The following PCSK9 variants were observed in gnomAD, a reference collection of about 807,000 sequenced individuals.
PCSK9 encodes convertase subtilisin/kexin type 9 preproprotein.
PCSK9 carries 57 observed loss-of-function variants against 62.1 expected under a neutral mutation model. The ratio of observed to expected loss-of-function variants is 0.92; its 90% CI spans 0.74 to 1.14. PCSK9 has a LOEUF of 1.14. Ranked by LOEUF, PCSK9 falls within the 50% of genes most tolerant of loss-of-function variation. The pLI is 0.00. For missense variants in PCSK9, 870 were observed against 959.8 expected, an observed-to-expected ratio of 0.91 and a Z score of 1.24; for synonymous variants, 387 against 409.4, an observed-to-expected ratio of 0.95 and a Z score of 0.66.
rs766344278 is a variant in PCSK9, at chr1:55,039,891, G to T, written c.54G>T (p.Leu18=). Reference sequence around the variant, plus strand: ...GGTGGCCGCTGCCACTGCTGCTGCTGCTGCTGCTGCTCCTGGGTCCCGCGG... The same window carrying T: ...GGTGGCCGCTGCCACTGCTGCTGCTTCTGCTGCTGCTCCTGGGTCCCGCGG... ...RSWWPLPLLL[L]LLLLLGPAGA... Residue 18 remains leucine (L), a synonymous_variant, in exon 1 of 12, where the codon CTG becomes CTT. Coordinates refer to ENST00000302118, the MANE Select transcript of PCSK9 (RefSeq NM_174936.4). The T allele has an allele frequency of 2.6e-6, 4 of 1,564,496 alleles. No homozygotes were observed. The highest frequency in any genetic ancestry group is 3.5e-6 in the Non-Finnish European group (4 of 1,155,316).
rs917249802 is a variant in PCSK9 at position 55,039,726 on chromosome 1, A to G, written c.-112A>G. The G allele has an allele frequency of 4.5e-5, 59 of 1,297,820 alleles. No individual in the cohort carries two copies. In the Admixed American group the frequency reaches 8.8e-4, roughly 19 times the overall value. 80.4% of individuals were successfully genotyped at this position (1,297,820 alleles called of 1,614,324 possible). Reference sequence around the variant, plus strand: ...GCCCCTTCACGCGCCCTGCTCCTGAACTTCAGCTCCTGCACAGTCCTCCCC... The same window carrying G: ...GCCCCTTCACGCGCCCTGCTCCTGAGCTTCAGCTCCTGCACAGTCCTCCCC... On this transcript the variant is annotated 5_prime_UTR_variant, in exon 1 of 12. Coordinates refer to ENST00000302118, the MANE Select transcript of PCSK9 (RefSeq NM_174936.4).
At position 55,058,176 on chromosome 1, in the gene PCSK9, G is replaced by T; in HGVS notation, c.1321G>T (p.Val441Leu). 6.2e-7 allele frequency: 1 copy of T among 1,613,424 alleles called. No individual in the cohort carries two copies. Among genetic ancestry groups the T allele is most frequent in the Non-Finnish European group, 8.5e-7 (1 of 1,180,004 alleles). ...CCAGCGGGTACTGACCCCCAACCTGGTGGCCGCCCTGCCCCCCAGCACCCA... is the reference window on the plus strand; with the variant it reads ...CCAGCGGGTACTGACCCCCAACCTGTTGGCCGCCCTGCCCCCCAGCACCCA... Reference protein sequence around the residue: ...EDQRVLTPNLVAALPPSTHGA... With the variant: ...EDQRVLTPNLLAALPPSTHGA... The change falls in exon 8 of 12, where the codon GTG becomes TTG. Residue 441 changes from valine to leucine, a missense_variant. Val to Leu is a conservative substitution (Grantham distance 32). Coordinates refer to ENST00000302118, the MANE Select transcript of PCSK9 (RefSeq NM_174936.4).
intron 10 of PCSK9, among the ~76,000 whole-genome samples, chr1:55,060,396 G>T (rs551558579): frequency 1.3e-4 from 20 of 152,280 alleles, no homozygotes; most frequent in African/African-American, 4.8e-4. Context: ...GTTGATTCTC[G>T]TCTGAGCACG....
chr1:55,048,579 G>C (rs893007834), intron 3 of PCSK9, among the ~76,000 whole-genome samples: 5 of 152,196 alleles, frequency 3.3e-5, no homozygotes, highest in Non-Finnish European at 7.3e-5. Flanking sequence ...CAAGGGCTTG[G>C]CTGGAGGAAG....
chr1:55,045,779 A>G (rs1250640250), intron 2 of PCSK9, among the ~76,000 whole-genome samples: 1 of 151,540 alleles, frequency 6.6e-6, no homozygotes, highest in African/African-American at 2.4e-5. Flanking sequence ...CCCGGGTTCA[A>G]GCTCACTGCA....
chr1:55,051,144 C>T (rs1369846800), intron 3 of PCSK9: 1 of 456,286 alleles, frequency 2.2e-6, no homozygotes, highest in Non-Finnish European at 4.4e-6. Context: ...CGCCCTGAGC[C>T]TCCCACACTT....
chr1:55,056,255 C>T, intron 6 of PCSK9, 66 bp downstream of exon 6: 1 of 15,006 alleles, frequency 6.7e-5, no homozygotes. Flanking sequence ...GGAGGGAGGG[C>T]GGGCGGGCAG....
At chr1:55,057,035 G>C (rs1644720464) in intron 6 of PCSK9, among the ~76,000 whole-genome samples, 1 of 148,888 alleles carries the variant, frequency 6.7e-6, no homozygotes, top group Non-Finnish European at 1.5e-5. Context: ...TCCCCCCGTG[G>C]CACTTAGAAC....
At position 55,043,868 on chromosome 1, in the gene PCSK9, A is replaced by G. The variant is rs1307552863; in HGVS notation, c.233A>G (p.Tyr78Cys). Residue 78 changes from tyrosine to cysteine, a missense_variant, in exon 2 of 12, where the codon TAC becomes TGC. Coordinates refer to ENST00000302118, the MANE Select transcript of PCSK9 (RefSeq NM_174936.4). Reference protein sequence around the residue: ...AKDPWRLPGTYVVVLKEETHL... With the variant: ...AKDPWRLPGTCVVVLKEETHL... ...GATCCGTGGAGGTTGCCTGGCACCT[A>G]CGTGGTGGTGCTGAAGGAGGAGACC... 6.2e-7 allele frequency: 1 copy of G among 1,614,200 alleles called. No individual in the cohort carries two copies.
In PCSK9 at chr1:55,043,950, G is replaced by A. The variant is rs1452895039; in HGVS notation, c.315G>A (p.Arg105=). Residue 105 remains arginine, a synonymous_variant, in exon 2 of 12, where the codon CGG becomes CGA. Coordinates refer to ENST00000302118, the MANE Select transcript of PCSK9 (RefSeq NM_174936.4). ...ARRLQAQAAR[R]GYLTKILHVF... is the part of the protein sequence containing the mutation. ...GCCTGCAGGCCCAGGCTGCCCGCCG[G>A]GGATACCTCACCAAGATCCTGCATG... 1 of 1,614,072 alleles carries A rather than the reference G, an allele frequency of 6.2e-7. No individual in the cohort carries two copies. The highest frequency in any genetic ancestry group is 8.5e-7 in the Non-Finnish European group (1 of 1,180,044).
chr1:55,052,795 A>C lies in PCSK9; in HGVS notation c.799+4A>C. 6.2e-7 allele frequency: 1 copy of C among 1,613,004 alleles called. No homozygotes were observed. Among genetic ancestry groups the C allele is most frequent in the Non-Finnish European group, 8.5e-7 (1 of 1,179,932 alleles). ...ACGGTTAGCGGCACCCTCATAGGTAAGTGATGGCCCCAGACGCTGGTCTCT... is the reference window on the plus strand; with the variant it reads ...ACGGTTAGCGGCACCCTCATAGGTACGTGATGGCCCCAGACGCTGGTCTCT... On this transcript the variant is annotated splice_donor_region_variant and intron_variant, in intron 5 of 11. Coordinates refer to ENST00000302118, the MANE Select transcript of PCSK9 (RefSeq NM_174936.4).
At chr1:55,059,363 TG>T in intron 9 of PCSK9, 122 bp from the exon 10 acceptor site, 1 of 1,246,082 alleles carries the variant, frequency 8.0e-7, no homozygotes, top group Middle Eastern at 1.9e-4. Context: ...CCCAGAAGGC[TG>T]GGTCTGGCTG....
intron 3 of PCSK9, among the ~76,000 whole-genome samples, chr1:55,050,034 C>A (rs1198761862): frequency 6.6e-6 from 1 of 152,250 alleles, no homozygotes; most frequent in Admixed American, 6.5e-5. Context: ...CCCAGCAGGC[C>A]TTCTGCTCGA....
Position 55,046,537 on chromosome 1 carries a change from C to G in PCSK9, c.414C>G (p.Pro138=), listed in dbSNP as rs1187908908. ...GGCTTCTGCAGGCCTTGAAGTTGCCCCATGTCGACTACATCGAGGAGGACT... is the reference window on the plus strand; with the variant it reads ...GGCTTCTGCAGGCCTTGAAGTTGCCGCATGTCGACTACATCGAGGAGGACT... ...GDLLELALKL[P]HVDYIEEDSS... The change falls in exon 3 of 12, where the codon CCC becomes CCG. Residue 138 remains proline (P), a synonymous_variant. Transcript: ENST00000302118. 6.2e-7 allele frequency: 1 copy of G among 1,614,124 alleles called. No individual in the cohort carries two copies. Among genetic ancestry groups the G allele is most frequent in the East Asian group, 2.2e-5 (1 of 44,852 alleles).
At chr1:55,061,831 A>T (rs1028966539) in intron 11 of PCSK9, among the ~76,000 whole-genome samples, 2 of 152,240 alleles carry the variant, frequency 1.3e-5, no homozygotes, top group Non-Finnish European at 2.9e-5. Flanking sequence ...GCATAAAGAA[A>T]TGCAATATGC....
At position 55,040,172 on chromosome 1, in the gene PCSK9, G is replaced by A. The variant is rs1269376002; in HGVS notation, c.207+128G>A. The A allele has an allele frequency of 4.7e-6, 6 of 1,274,562 alleles. No individual in the cohort carries two copies. In the South Asian group the frequency reaches 5.7e-5, roughly 12 times the overall value. The allele number at this position is 1,274,562 out of a possible 1,614,324, so 79.0% of individuals were successfully genotyped here. On this transcript the variant is annotated intron_variant, in intron 1 of 11. Transcript: ENST00000302118. The surrounding 1 kb of genome is among the most constrained non-coding windows in gnomAD (Gnocchi z 4.1). Reference sequence around the variant, plus strand: ...GAGTGCAGGTCGCCGAGGGCTCTTCGCTTGGCACGATCTTGGGGACTGCAG... The same window carrying A: ...GAGTGCAGGTCGCCGAGGGCTCTTCACTTGGCACGATCTTGGGGACTGCAG...
At chr1:55,043,301 G>A (rs373226998) in intron 1 of PCSK9, among the ~76,000 whole-genome samples, 3 of 152,146 alleles carry the variant, frequency 2.0e-5, no homozygotes, top group East Asian at 3.8e-4. Flanking sequence ...TTATATAACC[G>A]TCACTCTTGA....
chr1:55,042,104 G>A (rs1422046433), intron 1 of PCSK9, among the ~76,000 whole-genome samples: 3 of 151,998 alleles, frequency 2.0e-5, no homozygotes, highest in Non-Finnish European at 4.4e-5. Flanking sequence ...CTGCCACCAC[G>A]CCCGGCTAAT....
Position 55,039,879 on chromosome 1 carries a change from A to ACTGCTGCTGCTG in PCSK9, c.54_65dup (p.Leu20_Leu23dup), listed in dbSNP as rs35574083. ...CCAGGCGGTCCTGGTGGCCGCTGCCACTGCTGCTGCTGCTGCTGCTGCTCC... is the reference window on the plus strand; with the variant it reads ...CCAGGCGGTCCTGGTGGCCGCTGCCACTGCTGCTGCTGCTGCTGCTGCTGCTGCTGCTGCTCC... On this transcript the variant is annotated inframe_insertion, in exon 1 of 12. Transcript: ENST00000302118. The ACTGCTGCTGCTG allele has an allele frequency of 4.6e-5, 71 of 1,557,940 alleles. No homozygotes were observed. The highest frequency in any genetic ancestry group is 1.6e-4 in the African/African-American group (12 of 73,694).
Sources: allele counts gnomAD v4.1 joint callset (sites outside exome capture counted in the v4.1 genomes callset), GRCh38; gene constraint gnomAD v4.1.1; non-coding constraint Gnocchi (gnomAD v3.1); transcripts MANE v1.5; gene names NCBI Gene and HGNC (gene_info 2026-07-23, HGNC 2026-07-21).